Variants in PDE6H observed in about 807,000 individuals in gnomAD.
The protein encoded by PDE6H is phosphodiesterase 6H, also known as retinal cone rhodopsin-sensitive cGMP 3',5'-cyclic phosphodiesterase subunit gamma.
PDE6H carries 11 observed loss-of-function variants against 9.2 expected under a neutral mutation model. The ratio of observed to expected loss-of-function variants is 1.19; its 90% CI spans 0.75 to 1.97. The LOEUF (loss-of-function observed/expected upper bound fraction) is 1.97. PDE6H is among the 30% of genes most tolerant of loss of function. PDE6H has a pLI of 0.00. For missense variants in PDE6H, 98 were observed against 101.5 expected, an observed-to-expected ratio of 0.97 and a Z score of 0.15; for synonymous variants, 36 against 33.6, an observed-to-expected ratio of 1.07 and a Z score of -0.25.
Position 14,978,001 on chromosome 12 carries a change from G to A in PDE6H, c.-12G>A. Reference sequence around the variant, plus strand: ...CTGAAAGGGAAACATCAGCCGCCCGGGGGGAGTTAAAATGAGTGACAACAC... The same window carrying A: ...CTGAAAGGGAAACATCAGCCGCCCGAGGGGAGTTAAAATGAGTGACAACAC... On this transcript the variant is annotated 5_prime_UTR_variant, in exon 2 of 4. Coordinates refer to ENST00000266395, the MANE Select transcript of PDE6H (RefSeq NM_006205.3). The A allele has an allele frequency of 6.2e-7, 1 of 1,613,024 alleles. No homozygotes were observed. The highest frequency in any genetic ancestry group is 8.5e-7 in the Non-Finnish European group (1 of 1,179,814).
At chr12:14,975,427 G>A (rs1013445604) in intron 1 of PDE6H, among the ~76,000 whole-genome samples, 1 of 151,608 alleles carries the variant, frequency 6.6e-6, no homozygotes, top group Non-Finnish European at 1.5e-5. Context: ...TTAGATGAGA[G>A]AAAAGAAACT....
chr12:14,977,957 C>T lies in PDE6H; in HGVS notation c.-41-15C>T. 3.8e-6 allele frequency: 6 copies of T among 1,558,496 alleles called. No homozygotes were observed. In the Admixed American group the frequency reaches 5.3e-5, roughly 14 times the overall value. ...ACTTGAAAGATCTTCTTTTTTTTATCTTTCACTGTCTAAGGAGGCTGAAAG... is the reference window on the plus strand; with the variant it reads ...ACTTGAAAGATCTTCTTTTTTTTATTTTTCACTGTCTAAGGAGGCTGAAAG... On this transcript the variant is annotated splice_polypyrimidine_tract_variant and intron_variant, in intron 1 of 3. Coordinates refer to ENST00000266395, the MANE Select transcript of PDE6H (RefSeq NM_006205.3).
intron 1 of PDE6H, among the ~76,000 whole-genome samples, chr12:14,976,709 A>T (rs530220237): frequency 6.6e-6 from 1 of 152,284 alleles, no homozygotes; most frequent in Admixed American, 6.5e-5. Context: ...AAAAAAAAAG[A>T]AAAAAGAATA....
At chr12:14,980,001 T>G (rs1864656999) in intron 3 of PDE6H, among the ~76,000 whole-genome samples, 1 of 152,208 alleles carries the variant, frequency 6.6e-6, no homozygotes, top group African/African-American at 2.4e-5. Context: ...TAGCTTGAAT[T>G]AGAGTTTTTA....
chr12:14,979,028 C>A, intron 2 of PDE6H, 151 bp from the exon 3 acceptor site: 1 of 677,468 alleles, frequency 1.5e-6, no homozygotes. Flanking sequence ...ATTTTCTTTG[C>A]TCCAGTTCAG....
In PDE6H at chr12:14,979,110, T is replaced by C. The variant is rs925240142; in HGVS notation, c.135-69T>C. The C allele has an allele frequency of 4.0e-6, 4 of 988,130 alleles. No homozygotes were observed. The Admixed American group carries it at 5.4e-5, about 13-fold the overall frequency. The allele number at this position is 988,130 out of a possible 1,614,324, so 61.2% of individuals were successfully genotyped here. On this transcript the variant is annotated intron_variant, in intron 2 of 3. Transcript: ENST00000266395. ...TCTTCCCCCTTGAATCAAGAAACTC[T>C]CCATGTGAGTGACTCCAAAATTCTT... is the stretch of plus-strand genomic sequence containing the variant.
chr12:14,980,256 C>T (rs1245254677), intron 3 of PDE6H, among the ~76,000 whole-genome samples: 2 of 152,164 alleles, frequency 1.3e-5, no homozygotes, highest in African/African-American at 4.8e-5. Context: ...GGACTAGCTT[C>T]TTTCATTTAA....
At position 14,981,773 on chromosome 12, in the gene PDE6H, A is replaced by C; in HGVS notation, c.*297A>C. The C allele has an allele frequency of 4.1e-6, 2 of 486,234 alleles. No homozygotes were observed. The highest frequency in any genetic ancestry group is 4.3e-5 in the South Asian group (2 of 46,106). 30.1% of individuals were successfully genotyped at this position (486,234 alleles called of 1,614,324 possible). ...TAAGTCCTTTAAATCTATTTTTGCT[A>C]GGCATTCATTATGATTAATAGTAGA... On this transcript the variant is annotated 3_prime_UTR_variant, in exon 4 of 4. Transcript: ENST00000266395.
At chr12:14,976,601 G>A (rs1415458100) in intron 1 of PDE6H, among the ~76,000 whole-genome samples, 2 of 151,980 alleles carry the variant, frequency 1.3e-5, no homozygotes, top group African/African-American at 4.8e-5. Flanking sequence ...AGGCGGGAGG[G>A]TCACTTGAGC....
In PDE6H at chr12:14,981,548, G is replaced by A. The variant is rs965435244; in HGVS notation, c.*72G>A. On this transcript the variant is annotated 3_prime_UTR_variant, in exon 4 of 4. Transcript: ENST00000266395. ...GTTGCTTTTGCCCTGTTGATCTGCC[G>A]GAGTCTTGAAATTCAGCTGATTGGA... 6.8e-5 allele frequency: 68 copies of A among 1,005,210 alleles called. No homozygotes were observed. The highest frequency in any genetic ancestry group is 3.3e-4 in the African/African-American group (21 of 63,204). 62.3% of individuals were successfully genotyped at this position (1,005,210 alleles called of 1,614,324 possible).
At chr12:14,978,500 T>G (rs148120047) in intron 2 of PDE6H, among the ~76,000 whole-genome samples, 1,904 of 152,340 alleles carry the variant, frequency 0.012, 36 homozygotes, top group African/African-American at 0.041. Flanking sequence ...TAGCTTATAT[T>G]TATGTCTTCC....
At chr12:14,976,926 C>T (rs1475758713) in intron 1 of PDE6H, among the ~76,000 whole-genome samples, 1 of 152,156 alleles carries the variant, frequency 6.6e-6, no homozygotes, top group African/African-American at 2.4e-5. Flanking sequence ...TCCAAAATGA[C>T]ACATTAATTG....
intron 2 of PDE6H, 129 bp downstream of exon 2, chr12:14,978,275 C>CAA (rs1864628286): frequency 1.3e-6 from 1 of 765,400 alleles, no homozygotes; most frequent in African/African-American, 1.7e-5. Flanking sequence ...CCTCTCTTTT[C>CAA]CTCTGTAACT....
Position 14,981,462 on chromosome 12 carries a change from T to G in PDE6H, c.238T>G (p.Phe80Val). ...SHLELHELAQ[F>V]GII ...CCTGGAATTGCATGAGCTCGCTCAGTTTGGGATTATCTGAAGTGCCAGAGG... is the reference window on the plus strand; with the variant it reads ...CCTGGAATTGCATGAGCTCGCTCAGGTTGGGATTATCTGAAGTGCCAGAGG... The change falls in exon 4 of 4, where the codon TTT becomes GTT. Residue 80 changes from phenylalanine to valine, a missense_variant. Coordinates refer to ENST00000266395, the MANE Select transcript of PDE6H (RefSeq NM_006205.3). 1 of 1,612,754 alleles carries G rather than the reference T, an allele frequency of 6.2e-7. No individual in the cohort carries two copies. Among genetic ancestry groups the G allele is most frequent in the Non-Finnish European group, 8.5e-7 (1 of 1,178,700 alleles).
intron 2 of PDE6H, 148 bp from the exon 3 acceptor site, chr12:14,979,031 C>A (rs1037980778): frequency 4.4e-6 from 3 of 679,958 alleles, no homozygotes; most frequent in African/African-American, 1.8e-5. Flanking sequence ...TTCTTTGCTC[C>A]AGTTCAGGGC....
chr12:14,980,956 TAGA>T (rs766598184), intron 3 of PDE6H, among the ~76,000 whole-genome samples: 21 of 152,214 alleles, frequency 1.4e-4, no homozygotes, highest in Admixed American at 7.2e-4. Flanking sequence ...TGTAAAGGAA[TAGA>T]AGAACAATTA....
At chr12:14,978,176 T>C (rs75300825) in intron 2 of PDE6H, 30 bp downstream of exon 2, 90,209 of 1,602,118 alleles carry the variant, frequency 0.056, 4,960 homozygotes, top group Admixed American at 0.25. Context: ...AAAAACTTTC[T>C]ATTACTTTCT....
chr12:14,974,101 A>C (rs1227509219), intron 1 of PDE6H, among the ~76,000 whole-genome samples: 5 of 152,238 alleles, frequency 3.3e-5, no homozygotes, highest in Admixed American at 2.0e-4. Context: ...CATTGCTTTA[A>C]ATACAGGAAA....
intron 3 of PDE6H, 42 bp from the exon 4 acceptor site, chr12:14,981,358 G>C: frequency 8.3e-7 from 1 of 1,206,970 alleles, no homozygotes; most frequent in Non-Finnish European, 1.2e-6. Context: ...AAGCTCTCTT[G>C]GGGTGAGGTT....
Sources: allele counts gnomAD v4.1 joint callset (sites outside exome capture counted in the v4.1 genomes callset), GRCh38; gene constraint gnomAD v4.1.1; transcripts MANE v1.5; gene names NCBI Gene and HGNC (gene_info 2026-07-23, HGNC 2026-07-21).